AHCYL2: variants seen among roughly 807,000 people sequenced by gnomAD.
AHCYL2 encodes S-adenosylhomocysteine hydrolase-like protein 2.
Under a neutral mutation model 81.4 loss-of-function variants are expected in AHCYL2, and 28 were observed. The observed-to-expected ratio is 0.34, with a 90% confidence interval of 0.25 to 0.47. The LOEUF is 0.47. AHCYL2 is among the 20% of genes least tolerant of loss of function. The pLI is 1.00. For synonymous variants in AHCYL2, 272 were observed against 290.2 expected, an observed-to-expected ratio of 0.94 and a Z score of 0.64; for missense variants, 551 against 785.1, an observed-to-expected ratio of 0.70 and a Z score of 3.56.
intron 1 of AHCYL2, among the ~76,000 whole-genome samples, chr7:129,270,722 G>A (rs1445749938): frequency 6.6e-6 from 1 of 152,180 alleles, no homozygotes; most frequent in African/African-American, 2.4e-5. Context: ...CTTGCAGAAA[G>A]CTAAGTTCCT....
At chr7:129,262,141 G>A (rs1795664788) in intron 1 of AHCYL2, among the ~76,000 whole-genome samples, 1 of 152,088 alleles carries the variant, frequency 6.6e-6, no homozygotes. Context: ...ATAAGATATG[G>A]TCTCTGTTCT....
chr7:129,324,042 T>C (rs142754325), intron 1 of AHCYL2, among the ~76,000 whole-genome samples: 3,099 of 104,520 alleles, frequency 0.03, 36 homozygotes, highest in Non-Finnish European at 0.043. Context: ...GGCTAATTTT[T>C]GTATTTTTGT....
chr7:129,401,113 C>T (rs2150929409), intron 6 of AHCYL2, among the ~76,000 whole-genome samples: 1 of 152,256 alleles, frequency 6.6e-6, no homozygotes, highest in African/African-American at 2.4e-5. Flanking sequence ...TACTTCAGCC[C>T]AGGAGTTCGA....
intron 12 of AHCYL2, among the ~76,000 whole-genome samples, chr7:129,415,275 A>G (rs925800850): frequency 6.6e-6 from 1 of 152,238 alleles, no homozygotes; most frequent in African/African-American, 2.4e-5. Context: ...CCTAAAGGGA[A>G]GTATTCATGT....
At chr7:129,377,689 G>A in intron 1 of AHCYL2, 1 of 446,996 alleles carries the variant, frequency 2.2e-6, no homozygotes, top group Non-Finnish European at 4.5e-6. Context: ...CTTGGATCCA[G>A]AATAGGCAAT....
rs921464400 is a variant in AHCYL2 at position 129,406,786 on chromosome 7, C to G, written c.1295+320C>G. Among the ~76,000 whole-genome samples, 6 of 152,278 alleles carry G rather than the reference C, an allele frequency of 3.9e-5. No homozygotes were observed. The highest frequency in any genetic ancestry group is 2.6e-4 in the Admixed American group (4 of 15,294). ...AAAGAAATTGGCAGGCATCAGATGCCTTCTGATGTGTTACACTGAAAATAG... is the reference window on the plus strand; with the variant it reads ...AAAGAAATTGGCAGGCATCAGATGCGTTCTGATGTGTTACACTGAAAATAG... On this transcript the variant is annotated intron_variant, in intron 10 of 16. Transcript: ENST00000325006. The surrounding 1 kb of genome is among the most constrained non-coding windows in gnomAD (Gnocchi z 4.3).
intron 12 of AHCYL2, among the ~76,000 whole-genome samples, chr7:129,414,287 T>C (rs1056953647): frequency 3.9e-5 from 6 of 152,226 alleles, no homozygotes; most frequent in African/African-American, 1.2e-4. Flanking sequence ...TGTAGTAGCA[T>C]GTGTTCTTCA....
rs1797034528 is a variant in AHCYL2, at chr7:129,419,902, C to T, written c.1462-2938C>T. On this transcript the variant is annotated intron_variant, in intron 12 of 16. Coordinates refer to ENST00000325006, the MANE Select transcript of AHCYL2 (RefSeq NM_015328.4). This position sits in a 1 kb window ranked among gnomAD's most constrained non-coding sequence, Gnocchi z 4.7. Reference sequence around the variant, plus strand: ...GTAGGTTGTTTAGTGATTATAGGTCCACAGCAAAGACAACTGGATGTTTTT... The same window carrying T: ...GTAGGTTGTTTAGTGATTATAGGTCTACAGCAAAGACAACTGGATGTTTTT... 6.6e-6 allele frequency among the ~76,000 whole-genome samples: 1 copy of T among 152,128 alleles called. No homozygotes were observed. The highest frequency in any genetic ancestry group is 6.5e-5 in the Admixed American group (1 of 15,270).
At chr7:129,265,554 A>AT (rs987017533) in intron 1 of AHCYL2, among the ~76,000 whole-genome samples, 58 of 152,082 alleles carry the variant, frequency 3.8e-4, no homozygotes, top group African/African-American at 1.4e-3. Flanking sequence ...TTTATCAGAC[A>AT]TTTTTCAGGA....
intron 1 of AHCYL2, among the ~76,000 whole-genome samples, chr7:129,244,013 T>TGG (rs1269911866): frequency 2.0e-5 from 3 of 151,796 alleles, no homozygotes; most frequent in African/African-American, 7.2e-5. Flanking sequence ...TTTTTTTTGG[T>TGG]GGGGGGACAG....
At chr7:129,403,048 TC>T (rs1796108915) in intron 6 of AHCYL2, among the ~76,000 whole-genome samples, 1 of 152,180 alleles carries the variant, frequency 6.6e-6, no homozygotes, top group African/African-American at 2.4e-5. Flanking sequence ...AGATTCAAGA[TC>T]TAGTGGCCTA....
At chr7:129,300,283 C>T (rs955624739) in intron 1 of AHCYL2, among the ~76,000 whole-genome samples, 3 of 152,128 alleles carry the variant, frequency 2.0e-5, no homozygotes, top group Admixed American at 1.3e-4. Context: ...CGCCTCCCCC[C>T]CAGCCTCCTC....
chr7:129,357,712 A>G (rs899253496), intron 1 of AHCYL2, among the ~76,000 whole-genome samples: 2 of 152,202 alleles, frequency 1.3e-5, no homozygotes, highest in Non-Finnish European at 2.9e-5. Flanking sequence ...AGGTGGGTGG[A>G]TCACGAGGTC....
At chr7:129,360,991 A>G (rs1793913367) in intron 1 of AHCYL2, among the ~76,000 whole-genome samples, 1 of 152,222 alleles carries the variant, frequency 6.6e-6, no homozygotes, top group South Asian at 2.1e-4. Flanking sequence ...TTACTTTTCA[A>G]AGTGTTGTCC....
At chr7:129,236,689 A>G (rs975385352) in intron 1 of AHCYL2, among the ~76,000 whole-genome samples, 3 of 152,228 alleles carry the variant, frequency 2.0e-5, no homozygotes, top group African/African-American at 4.8e-5. Context: ...CATTTTACAT[A>G]TCAGCTAACG....
intron 11 of AHCYL2, among the ~76,000 whole-genome samples, chr7:129,411,758 T>C (rs1267208663): frequency 4.0e-5 from 4 of 100,110 alleles, no homozygotes; most frequent in Admixed American, 1.2e-4. Flanking sequence ...AAACTCCTTC[T>C]CAAAAAAAAA....
chr7:129,240,507 A>G (rs979041954), intron 1 of AHCYL2, among the ~76,000 whole-genome samples: 2 of 152,166 alleles, frequency 1.3e-5, no homozygotes, highest in African/African-American at 4.8e-5. Flanking sequence ...GCAAAAACAG[A>G]CGGGCTGCCA....
chr7:129,393,751 G>A lies in AHCYL2; in HGVS notation c.721-3471G>A, dbSNP rs150152756. ...CTTGAACATTCCATGCCCTACTCTT[G>A]GAACCAGCCATTTCTCCCAGAATGC... On this transcript the variant is annotated intron_variant, in intron 4 of 16. Coordinates refer to ENST00000325006, the MANE Select transcript of AHCYL2 (RefSeq NM_015328.4). 4.7e-4 allele frequency among the ~76,000 whole-genome samples: 71 copies of A among 152,192 alleles called. 1 individual carries two copies. In the East Asian group the frequency reaches 0.013, roughly 28 times the overall value.
At chr7:129,287,276 C>T (rs925217999) in intron 1 of AHCYL2, among the ~76,000 whole-genome samples, 1 of 152,150 alleles carries the variant, frequency 6.6e-6, no homozygotes, top group African/African-American at 2.4e-5. Flanking sequence ...CCAGGGATAC[C>T]TCAAGTAGTT....
Sources: allele counts gnomAD v4.1 joint callset (sites outside exome capture counted in the v4.1 genomes callset), GRCh38; gene constraint gnomAD v4.1.1; non-coding constraint Gnocchi (gnomAD v3.1); transcripts MANE v1.5; gene names NCBI Gene and HGNC (gene_info 2026-07-23, HGNC 2026-07-21).